Variants in SEMA3A observed in about 807,000 individuals in gnomAD.
The protein encoded by SEMA3A is semaphorin 3A.
A neutral mutation model predicts 97.9 loss-of-function variants in SEMA3A; 29 were observed. The observed-to-expected ratio is 0.30, with a 90% CI of 0.22 to 0.40. The LOEUF (loss-of-function observed/expected upper bound fraction) is 0.40. Ranked by LOEUF, SEMA3A falls within the 10% of genes least tolerant of loss-of-function variation. The pLI is 1.00. For missense variants in SEMA3A, 763 were observed against 951.3 expected (o/e 0.80, Z 2.60); for synonymous variants, 321 against 323.7 (o/e 0.99, Z 0.09).
chr7:84,415,080 A>T (rs1052640885), intron 1 of SEMA3A, among the ~76,000 whole-genome samples: 1 of 152,122 alleles, frequency 6.6e-6, no homozygotes, highest in African/African-American at 2.4e-5. Context: ...AGGCAAATTA[A>T]TAAAGGGATA....
chr7:84,388,971 T>G (rs1584284168), intron 1 of SEMA3A, among the ~76,000 whole-genome samples: 1 of 151,954 alleles, frequency 6.6e-6, no homozygotes, highest in African/African-American at 2.4e-5. Flanking sequence ...ATCTAGAGTA[T>G]CAAAATCAAA....
intron 9 of SEMA3A, among the ~76,000 whole-genome samples, chr7:84,008,022 G>A (rs1445252247): frequency 1.3e-5 from 2 of 151,880 alleles, no homozygotes; most frequent in African/African-American, 4.8e-5. Flanking sequence ...GTTGATTCTT[G>A]TGAAGACACT....
At chr7:84,426,249 G>A (rs1405077845) in intron 1 of SEMA3A, among the ~76,000 whole-genome samples, 2 of 149,656 alleles carry the variant, frequency 1.3e-5, no homozygotes, top group Non-Finnish European at 3.0e-5. Context: ...ATAGATAGAT[G>A]ATAGAGAGAT....
intron 4 of SEMA3A, among the ~76,000 whole-genome samples, chr7:84,068,915 T>G (rs2115742394): frequency 6.6e-6 from 1 of 152,264 alleles, no homozygotes; most frequent in South Asian, 2.1e-4. Context: ...TCCTCCTTTT[T>G]GTTCAACCCC....
At position 83,956,847 on chromosome 7, in the gene SEMA3A, G is replaced by GATTC. The variant is rs934698111; in HGVS notation, c.*4520_*4523dup. Reference sequence around the variant, plus strand: ...TTTCTTCATCTAGGCATATCTGACTGATTCACAGCTGGAAAGTCACTTATT... The same window carrying GATTC: ...TTTCTTCATCTAGGCATATCTGACTGATTCATTCACAGCTGGAAAGTCACTTATT... On this transcript the variant is annotated 3_prime_UTR_variant, in exon 17 of 17. Coordinates refer to ENST00000265362, the MANE Select transcript of SEMA3A (RefSeq NM_006080.3). 1 of 151,784 alleles carries GATTC rather than the reference G, an allele frequency of 6.6e-6. No homozygotes were observed. Among genetic ancestry groups the GATTC allele is most frequent in the African/African-American group, 2.4e-5 (1 of 41,330 alleles). 9.4% of individuals were successfully genotyped at this position (151,784 alleles called of 1,614,324 possible).
At chr7:83,997,741 T>G (rs890518140) in intron 12 of SEMA3A, among the ~76,000 whole-genome samples, 1 of 151,650 alleles carries the variant, frequency 6.6e-6, no homozygotes, top group Non-Finnish European at 1.5e-5. Flanking sequence ...TAATGAAATT[T>G]TTCTTTTTTT....
At position 84,119,337 on chromosome 7, in the gene SEMA3A, G is replaced by A. The variant is rs146060425; in HGVS notation, c.334-8748C>T. On this transcript the variant is annotated intron_variant, in intron 3 of 16. Coordinates refer to ENST00000265362, the MANE Select transcript of SEMA3A (RefSeq NM_006080.3). ...GCTTCAGGAATTTTCTGCTCTTAAAGCCAAAAGTCAAGATTCTGCATCTCT... is the reference window on the plus strand; with the variant it reads ...GCTTCAGGAATTTTCTGCTCTTAAAACCAAAAGTCAAGATTCTGCATCTCT... 3.1e-3 allele frequency among the ~76,000 whole-genome samples: 469 copies of A among 152,244 alleles called. 5 individuals are homozygous for A. The highest frequency in any genetic ancestry group is 0.011 in the African/African-American group (448 of 41,560).
intron 1 of SEMA3A, among the ~76,000 whole-genome samples, chr7:84,156,804 C>G (rs73709576): frequency 0.01 from 1,557 of 152,146 alleles, 26 homozygotes; most frequent in African/African-American, 0.035. Context: ...AATGTTAATC[C>G]TTTCAGGAAC....
rs2116247637 is a variant in SEMA3A at position 83,961,576 on chromosome 7, C to T, written c.2111G>A (p.Arg704Lys). The T allele has an allele frequency of 6.2e-7, 1 of 1,614,116 alleles. No homozygotes were observed. The highest frequency in any genetic ancestry group is 8.5e-7 in the Non-Finnish European group (1 of 1,179,954). The change falls in exon 17 of 17, where the codon AGA becomes AAA. Residue 704 changes from arginine to lysine, a missense_variant. Coordinates refer to ENST00000265362, the MANE Select transcript of SEMA3A (RefSeq NM_006080.3). ...GTGGTTGATGAGCTGCATGAAGTCT[C>T]TGTACCAGACCTTCTGGCTAGGTGT... ...SMTPSQKVWY[R>K]DFMQLINHPN... is the part of the protein sequence containing the mutation.
At chr7:84,000,704 T>C (rs1387693636) in intron 12 of SEMA3A, among the ~76,000 whole-genome samples, 1 of 152,178 alleles carries the variant, frequency 6.6e-6, no homozygotes, top group Admixed American at 6.5e-5. Context: ...AGTAGAACAC[T>C]GTGTAGTTTG....
intron 3 of SEMA3A, among the ~76,000 whole-genome samples, chr7:84,268,085 C>A (rs892269084): frequency 1.3e-5 from 2 of 152,024 alleles, no homozygotes; most frequent in African/African-American, 2.4e-5. Flanking sequence ...ATTGAAGGGA[C>A]TAATTGAATC....
intron 2 of SEMA3A, among the ~76,000 whole-genome samples, chr7:84,311,356 T>C (rs958958429): frequency 3.3e-5 from 5 of 151,994 alleles, no homozygotes; most frequent in African/African-American, 1.2e-4. Flanking sequence ...ATGTATGTAT[T>C]TGAGTAAATG....
chr7:84,119,817 C>CT lies in SEMA3A; in HGVS notation c.334-9229dup, dbSNP rs562047361. ...GAGGTAAGAAGATATTGGCCAAAATCTTTTTTCCTGAAGGAACTGGTCAAA... is the reference window on the plus strand; with the variant it reads ...GAGGTAAGAAGATATTGGCCAAAATCTTTTTTTCCTGAAGGAACTGGTCAAA... On this transcript the variant is annotated intron_variant, in intron 3 of 16. Transcript: ENST00000265362. 2.1e-4 allele frequency among the ~76,000 whole-genome samples: 32 copies of CT among 152,140 alleles called. No homozygotes were observed. In the South Asian group the frequency reaches 6.4e-3, roughly 31 times the overall value.
At chr7:84,323,935 C>T (rs1482049648) in intron 2 of SEMA3A, among the ~76,000 whole-genome samples, 3 of 152,046 alleles carry the variant, frequency 2.0e-5, no homozygotes, top group African/African-American at 7.2e-5. Context: ...ATATATAAAT[C>T]TGTTTATTCT....
intron 1 of SEMA3A, among the ~76,000 whole-genome samples, chr7:84,490,995 C>T (rs1217681029): frequency 3.3e-5 from 5 of 152,034 alleles, no homozygotes; most frequent in Admixed American, 6.6e-5. Context: ...TGTGAAACTC[C>T]GTTTACTCCA....
chr7:84,134,064 AAAC>A (rs907648576), intron 2 of SEMA3A, among the ~76,000 whole-genome samples: 11 of 151,948 alleles, frequency 7.2e-5, no homozygotes, highest in Admixed American at 1.3e-4. Context: ...CCATCTCAAA[AAAC>A]AACAACAACA....
intron 3 of SEMA3A, among the ~76,000 whole-genome samples, chr7:84,203,138 T>A (rs1317824868): frequency 6.6e-6 from 1 of 152,140 alleles, no homozygotes; most frequent in Non-Finnish European, 1.5e-5. Context: ...CATTAGGGAC[T>A]CAGTATATAG....
intron 3 of SEMA3A, among the ~76,000 whole-genome samples, chr7:84,207,049 A>G (rs1798511485): frequency 6.6e-6 from 1 of 152,214 alleles, no homozygotes; most frequent in African/African-American, 2.4e-5. Context: ...CTATACATAC[A>G]GGTGTTTGGG....
At chr7:84,232,117 A>G (rs1240207092) in intron 3 of SEMA3A, among the ~76,000 whole-genome samples, 1 of 151,514 alleles carries the variant, frequency 6.6e-6, no homozygotes, top group East Asian at 1.9e-4. Context: ...TTAAATAGTA[A>G]TTCAAAGAAA....
Sources: allele counts gnomAD v4.1 joint callset (sites outside exome capture counted in the v4.1 genomes callset), GRCh38; gene constraint gnomAD v4.1.1; transcripts MANE v1.5; gene names NCBI Gene and HGNC (gene_info 2026-07-23, HGNC 2026-07-21).